ADAMTS2: variants seen among roughly 807,000 people sequenced by gnomAD.
The protein encoded by ADAMTS2 is A disintegrin and metalloproteinase with thrombospondin motifs 2.
Under a neutral mutation model 123.0 loss-of-function variants are expected in ADAMTS2, and 50 were observed. That is an observed-to-expected ratio of 0.41 (90% confidence interval 0.32 to 0.51). The LOEUF is 0.51. ADAMTS2 is among the 20% of genes least tolerant of loss of function. The probability of loss-of-function intolerance (pLI) is 0.35; values close to 1 mark genes in which losing one functional copy is unlikely to be tolerated. For missense variants in ADAMTS2, 1,494 were observed against 1,705.2 expected, an observed-to-expected ratio of 0.88 and a Z score of 2.18; for synonymous variants, 678 against 695.4, an observed-to-expected ratio of 0.98 and a Z score of 0.39.
chr5:179,286,826 C>A (rs1190461794), intron 2 of ADAMTS2, among the ~76,000 whole-genome samples: 1 of 152,190 alleles, frequency 6.6e-6, no homozygotes, highest in Non-Finnish European at 1.5e-5. Context: ...CTCGAGGCCT[C>A]TCTCCTTGGC....
At chr5:179,322,134 T>C (rs1301474184) in intron 2 of ADAMTS2, among the ~76,000 whole-genome samples, 1 of 152,220 alleles carries the variant, frequency 6.6e-6, no homozygotes, top group Admixed American at 6.5e-5. Flanking sequence ...TTTTCTCCTT[T>C]TGGCTTATTT....
rs150455505 is a variant in ADAMTS2, at chr5:179,180,955, G to T, written c.975+117C>A. The T allele has an allele frequency of 4.9e-4, 368 of 758,082 alleles. 1 individual carries two copies. The African/African-American group carries it at 5.8e-3, about 12-fold the overall frequency. The allele number at this position is 758,082 out of a possible 1,614,324, so 47.0% of individuals were successfully genotyped here. A position where few individuals can be genotyped will look rare whatever the true frequency, so the allele number is the denominator to read the frequency against. On this transcript the variant is annotated intron_variant, in intron 5 of 21. Coordinates refer to ENST00000251582, the MANE Select transcript of ADAMTS2 (RefSeq NM_014244.5). The surrounding 1 kb of genome is among the most constrained non-coding windows in gnomAD (Gnocchi z 4.6). ...CTTATAGGAACCTCAGGGGAGCCAG[G>T]GAGAGGCAGGGTGGTTCTGGCAAAC...
Position 179,225,266 on chromosome 5 carries a change from T to C in ADAMTS2, c.689-17551A>G, listed in dbSNP as rs1168771745. The stretch of plus-strand genomic sequence containing the variant: ...CTAATTTCCTTAATACATAAAGCGC[T>C]CTTACAAATCAACAGGAAACAATCC... On this transcript the variant is annotated intron_variant, in intron 3 of 21. Transcript: ENST00000251582. This position sits in a 1 kb window ranked among gnomAD's most constrained non-coding sequence, Gnocchi z 4.5. 1.3e-5 allele frequency among the ~76,000 whole-genome samples: 2 copies of C among 152,146 alleles called. No homozygotes were observed. Among genetic ancestry groups the C allele is most frequent in the Non-Finnish European group, 2.9e-5 (2 of 68,032 alleles).
rs1286969562 is a variant in ADAMTS2 at position 179,185,118 on chromosome 5, G to T, written c.892-3963C>A. ...GTGGAAGGGATGCCCCAGCAGAGGA[G>T]GTGGGAGGGGAGCACTGAGGCCAGA... On this transcript the variant is annotated intron_variant, in intron 4 of 21. Transcript: ENST00000251582. The surrounding 1 kb of genome is among the most constrained non-coding windows in gnomAD (Gnocchi z 5.9). 6.6e-6 allele frequency among the ~76,000 whole-genome samples: 1 copy of T among 152,206 alleles called. No individual in the cohort carries two copies. The highest frequency in any genetic ancestry group is 1.5e-5 in the Non-Finnish European group (1 of 68,040).
chr5:179,333,596 GT>G (rs1219136980), intron 2 of ADAMTS2, among the ~76,000 whole-genome samples: 14,097 of 105,830 alleles, frequency 0.13, 765 homozygotes, highest in South Asian at 0.35. Context: ...GTTTTTTTCT[GT>G]TTTTTTTTTT....
intron 2 of ADAMTS2, among the ~76,000 whole-genome samples, chr5:179,292,012 G>A (rs957615727): frequency 6.6e-6 from 1 of 152,028 alleles, no homozygotes; most frequent in Non-Finnish European, 1.5e-5. Flanking sequence ...CCAAAATGCT[G>A]GGATTACAGA....
chr5:179,257,797 G>A (rs1450705100), intron 3 of ADAMTS2, among the ~76,000 whole-genome samples: 1 of 152,216 alleles, frequency 6.6e-6, no homozygotes, highest in Non-Finnish European at 1.5e-5. Flanking sequence ...CCCCAGCACT[G>A]AGGCCGCCTC....
chr5:179,341,438 T>C (rs55714836), intron 2 of ADAMTS2: 75,554 of 289,734 alleles, frequency 0.26, 10,070 homozygotes, highest in Admixed American at 0.33. Context: ...CAGTGGCTCA[T>C]GCCTGTAATC....
intron 4 of ADAMTS2, among the ~76,000 whole-genome samples, chr5:179,205,839 T>C (rs778657267): frequency 4.3e-4 from 65 of 151,994 alleles, no homozygotes; most frequent in Non-Finnish European, 7.8e-4. Context: ...TGGTGCGATC[T>C]CAGCTCACTG....
chr5:179,142,878 A>C lies in ADAMTS2; in HGVS notation c.1630-2843T>G, dbSNP rs151092291. 1.2e-3 allele frequency among the ~76,000 whole-genome samples: 181 copies of C among 152,336 alleles called. 1 individual carries two copies. The highest frequency in any genetic ancestry group is 4.3e-3 in the African/African-American group (177 of 41,576). On this transcript the variant is annotated intron_variant, in intron 10 of 21. Transcript: ENST00000251582. ...ATCCAGTTTCTTCAATGTATTATCT[A>C]AAGTTTCCAGTTTTCAAGGAAACTT...
rs73329725 is a variant in ADAMTS2 at position 179,197,750 on chromosome 5, G to T, written c.891+9763C>A. 8.6e-3 allele frequency among the ~76,000 whole-genome samples: 1,308 copies of T among 152,198 alleles called. 21 individuals carry two copies. The highest frequency in any genetic ancestry group is 0.03 in the African/African-American group (1,242 of 41,530). On this transcript the variant is annotated intron_variant, in intron 4 of 21. Coordinates refer to ENST00000251582, the MANE Select transcript of ADAMTS2 (RefSeq NM_014244.5). The surrounding 1 kb of genome is among the most constrained non-coding windows in gnomAD (Gnocchi z 4.2). Reference sequence around the variant, plus strand: ...TATATAAACATATTACTTCCACAACGGCTCTGATCTTCCAAGGCATTCATC... The same window carrying T: ...TATATAAACATATTACTTCCACAACTGCTCTGATCTTCCAAGGCATTCATC...
At chr5:179,226,580 G>C (rs1357262831) in intron 3 of ADAMTS2, among the ~76,000 whole-genome samples, 3 of 152,032 alleles carry the variant, frequency 2.0e-5, no homozygotes, top group Non-Finnish European at 4.4e-5. Context: ...CAGCTTTTCA[G>C]TGTATGAGAA....
chr5:179,136,072 G>A (rs1581145939), intron 12 of ADAMTS2, 30 bp from the exon 13 acceptor site: 4 of 1,613,018 alleles, frequency 2.5e-6, no homozygotes, highest in East Asian at 4.5e-5. Context: ...GGGTCTGCAA[G>A]GAGCCCTGAT....
chr5:179,259,923 C>G (rs558649453), intron 3 of ADAMTS2, among the ~76,000 whole-genome samples: 1 of 152,332 alleles, frequency 6.6e-6, no homozygotes, highest in African/African-American at 2.4e-5. Flanking sequence ...ATGAACAGCA[C>G]TGGCCACTTG....
chr5:179,331,336 T>G (rs1348349366), intron 2 of ADAMTS2, among the ~76,000 whole-genome samples: 29 of 64,340 alleles, frequency 4.5e-4, no homozygotes, highest in Admixed American at 5.5e-4. Context: ...GGGAGGGGAG[T>G]GGGAAAAAGA....
At chr5:179,209,502 C>T (rs2113379860) in intron 3 of ADAMTS2, among the ~76,000 whole-genome samples, 1 of 144,720 alleles carries the variant, frequency 6.9e-6, no homozygotes, top group African/African-American at 2.6e-5. Context: ...GTTCTGTGTC[C>T]CCTCGGCGCA....
At chr5:179,230,430 C>T (rs1765383831) in intron 3 of ADAMTS2, among the ~76,000 whole-genome samples, 1 of 152,232 alleles carries the variant, frequency 6.6e-6, no homozygotes, top group Admixed American at 6.5e-5. Context: ...CCAGGGCCTG[C>T]TTCTGCTGAT....
chr5:179,307,950 C>A lies in ADAMTS2; in HGVS notation c.535-34886G>T, dbSNP rs1011122124. On this transcript the variant is annotated intron_variant, in intron 2 of 21. Transcript: ENST00000251582. The surrounding 1 kb of genome is among the most constrained non-coding windows in gnomAD (Gnocchi z 5.6). ...CTCTGCCCCCTGACCAGGGATCTTA[C>A]GAGAGCAAAGTTGTCCTTGCTGGGT... Among the ~76,000 whole-genome samples, 3 of 152,328 alleles carry A rather than the reference C, an allele frequency of 2.0e-5. No homozygotes were observed. The highest frequency in any genetic ancestry group is 6.5e-5 in the Admixed American group (1 of 15,308).
chr5:179,300,094 C>CAAAA lies in ADAMTS2; in HGVS notation c.535-27034_535-27031dup, dbSNP rs59939578. On this transcript the variant is annotated intron_variant, in intron 2 of 21. Transcript: ENST00000251582. ...TGGGCGACAGAGTGAGACTCCGTCTCAAAAAAAAAAAAAAAAAAAGAAGAA... is the reference window on the plus strand; with the variant it reads ...TGGGCGACAGAGTGAGACTCCGTCTCAAAAAAAAAAAAAAAAAAAAAAAGAAGAA... Among the ~76,000 whole-genome samples, 56 of 102,176 alleles carry CAAAA rather than the reference C, an allele frequency of 5.5e-4. 1 individual carries two copies. Among genetic ancestry groups the CAAAA allele is most frequent in the African/African-American group, 7.1e-4 (18 of 25,530 alleles). The allele number at this position is 102,176 out of a possible 152,430, so 67.0% of individuals were successfully genotyped here.
Sources: allele counts gnomAD v4.1 joint callset (sites outside exome capture counted in the v4.1 genomes callset), GRCh38; gene constraint gnomAD v4.1.1; non-coding constraint Gnocchi (gnomAD v3.1); transcripts MANE v1.5; gene names NCBI Gene and HGNC (gene_info 2026-07-23, HGNC 2026-07-21).